The following AUTS2 variants were observed in gnomAD, a reference collection of about 807,000 sequenced individuals.
AUTS2 encodes the protein activator of transcription and developmental regulator AUTS2, also known as autism susceptibility gene 2 protein.
AUTS2 carries 17 observed loss-of-function variants against 112.4 expected under a neutral mutation model. That is an observed-to-expected ratio of 0.15 (90% confidence interval 0.10 to 0.23). The LOEUF is 0.23. Ranked by LOEUF, AUTS2 falls within the 10% of genes least tolerant of loss-of-function variation. The pLI is 1.00. For missense variants in AUTS2, 1,510 were observed against 1,701.6 expected, an observed-to-expected ratio of 0.89 and a Z score of 1.98; for synonymous variants, 751 against 702.7, an observed-to-expected ratio of 1.07 and a Z score of -1.09.
At chr7:69,644,818 T>TA (rs1223900271) in intron 1 of AUTS2, among the ~76,000 whole-genome samples, 9 of 152,320 alleles carry the variant, frequency 5.9e-5, no homozygotes, top group African/African-American at 1.9e-4. Flanking sequence ...TAGTATATAT[T>TA]AAAAATCTCT....
chr7:70,776,920 C>G, intron 13 of AUTS2, 183 bp from the exon 14 acceptor site: 1 of 641,936 alleles, frequency 1.6e-6, no homozygotes, highest in Non-Finnish European at 2.8e-6. Flanking sequence ...GGGGAGCTGG[C>G]TGTGACTCCC....
chr7:70,283,721 A>G (rs1788328843), intron 4 of AUTS2, among the ~76,000 whole-genome samples: 1 of 152,198 alleles, frequency 6.6e-6, no homozygotes, highest in African/African-American at 2.4e-5. Context: ...ACATGGCATG[A>G]ATTTAGAATC....
At chr7:70,299,937 T>C (rs1297241261) in intron 4 of AUTS2, among the ~76,000 whole-genome samples, 6 of 152,150 alleles carry the variant, frequency 3.9e-5, no homozygotes, top group Admixed American at 3.9e-4. Flanking sequence ...TGATGCATGA[T>C]CTGTCAATGA....
chr7:69,816,396 C>T (rs1340332890), intron 1 of AUTS2, among the ~76,000 whole-genome samples: 1 of 152,164 alleles, frequency 6.6e-6, no homozygotes, highest in Non-Finnish European at 1.5e-5. Context: ...AGATTTTTGT[C>T]TAGGACGGAG....
chr7:70,790,670 C>G lies in AUTS2; in HGVS notation c.3454C>G (p.Arg1152Gly), dbSNP rs769208197. Residue 1152 changes from arginine (R) to glycine (G), a missense_variant, in exon 19 of 19, where the codon CGG (arginine) becomes GGG (glycine). Transcript: ENST00000342771. This position sits in a 1 kb window ranked among gnomAD's most constrained non-coding sequence, Gnocchi z 7.6. Reference sequence around the variant, plus strand: ...CGAGCGGGGAGGCCACCTGGACGAGCGGGAGCGCTTGCACATGCTCAGAGA... The same window carrying G: ...CGAGCGGGGAGGCCACCTGGACGAGGGGGAGCGCTTGCACATGCTCAGAGA... ...EHERGGHLDE[R>G]ERLHMLREDY... The G allele has an allele frequency of 1.2e-6, 2 of 1,613,514 alleles. No homozygotes were observed. The highest frequency in any genetic ancestry group is 2.2e-5 in the South Asian group (2 of 91,074).
intron 1 of AUTS2, among the ~76,000 whole-genome samples, chr7:69,837,969 T>A (rs772470520): frequency 6.6e-6 from 1 of 152,172 alleles, no homozygotes; most frequent in African/African-American, 2.4e-5. Flanking sequence ...CTAGATGTTC[T>A]CTTTTCCTTT....
intron 2 of AUTS2, among the ~76,000 whole-genome samples, chr7:69,995,821 G>A (rs1422562304): frequency 1.3e-5 from 2 of 152,144 alleles, no homozygotes; most frequent in African/African-American, 4.8e-5. Flanking sequence ...CTGAAAGTTT[G>A]ACAGATGCAT....
chr7:69,641,029 G>A (rs935536005), intron 1 of AUTS2, among the ~76,000 whole-genome samples: 6 of 152,140 alleles, frequency 3.9e-5, no homozygotes, highest in Non-Finnish European at 7.3e-5. Flanking sequence ...TTACAGTTAC[G>A]GAAGTTGAAT....
At chr7:70,533,470 C>T (rs1800180673) in intron 5 of AUTS2, among the ~76,000 whole-genome samples, 1 of 152,262 alleles carries the variant, frequency 6.6e-6, no homozygotes, top group South Asian at 2.1e-4. Context: ...CAAGTTGTAG[C>T]TGCTGCTGAG....
chr7:70,788,135 T>A (rs1012708114), intron 18 of AUTS2, among the ~76,000 whole-genome samples: 1 of 150,768 alleles, frequency 6.6e-6, no homozygotes, highest in Non-Finnish European at 1.5e-5. Context: ...AAAATGTCTT[T>A]TTTTTTTTCT....
intron 4 of AUTS2, among the ~76,000 whole-genome samples, chr7:70,193,810 G>A (rs1432610177): frequency 2.0e-5 from 3 of 152,142 alleles, no homozygotes; most frequent in African/African-American, 7.2e-5. Context: ...GCAGTGATTC[G>A]TGTAACCTAC....
At chr7:70,093,416 G>A (rs1167057054) in intron 2 of AUTS2, among the ~76,000 whole-genome samples, 1 of 152,134 alleles carries the variant, frequency 6.6e-6, no homozygotes, top group Admixed American at 6.5e-5. Context: ...ATGGGCCTAG[G>A]CAACATTTTC....
intron 5 of AUTS2, among the ~76,000 whole-genome samples, chr7:70,678,225 T>C (rs1808026056): frequency 6.6e-6 from 1 of 152,208 alleles, no homozygotes; most frequent in East Asian, 1.9e-4. Flanking sequence ...ACATAGTTCA[T>C]ACTTAGTAAA....
chr7:70,429,114 A>G (rs1795546916), intron 4 of AUTS2, among the ~76,000 whole-genome samples: 1 of 152,320 alleles, frequency 6.6e-6, no homozygotes, highest in East Asian at 1.9e-4. Flanking sequence ...AAGCAGTCAT[A>G]TTAGTGTTTC....
At chr7:69,750,128 C>T (rs1048759845) in intron 1 of AUTS2, among the ~76,000 whole-genome samples, 9 of 151,948 alleles carry the variant, frequency 5.9e-5, no homozygotes, top group Admixed American at 6.6e-5. Flanking sequence ...CTGTTGATGA[C>T]GAGACTCAAA....
intron 5 of AUTS2, among the ~76,000 whole-genome samples, chr7:70,684,721 G>A (rs1365527634): frequency 2.0e-5 from 3 of 151,980 alleles, no homozygotes; most frequent in Non-Finnish European, 4.4e-5. Flanking sequence ...TGGTATTAGG[G>A]AAGGAATGTG....
chr7:70,362,877 C>G (rs1329096726), intron 4 of AUTS2, among the ~76,000 whole-genome samples: 11 of 152,168 alleles, frequency 7.2e-5, no homozygotes, highest in Admixed American at 5.9e-4. Flanking sequence ...CAGTGGTGAA[C>G]ATGGAGGTGT....
At chr7:70,424,918 C>T (rs553712425) in intron 4 of AUTS2, among the ~76,000 whole-genome samples, 3 of 152,314 alleles carry the variant, frequency 2.0e-5, no homozygotes, top group East Asian at 1.9e-4. Flanking sequence ...TGCCAGCCAA[C>T]AGCTGGCATT....
chr7:70,520,047 G>A (rs1275790767), intron 5 of AUTS2, among the ~76,000 whole-genome samples: 1 of 151,974 alleles, frequency 6.6e-6, no homozygotes, highest in Non-Finnish European at 1.5e-5. Context: ...TTTTCTTTCA[G>A]TCTATGGCTT....
Sources: gnomAD v4.1 joint callset for allele counts (sites outside exome capture counted in the v4.1 genomes callset) on GRCh38, gnomAD v4.1.1 for gene constraint, Gnocchi (gnomAD v3.1) non-coding constraint, MANE v1.5 for transcripts, NCBI Gene and HGNC (gene_info 2026-07-23, HGNC 2026-07-21) for gene names.